Variants in EIF2D observed in about 807,000 individuals in gnomAD.
EIF2D encodes eukaryotic translation initiation factor 2D.
A neutral mutation model predicts 77.4 loss-of-function variants in EIF2D; 56 were observed. The observed-to-expected ratio is 0.72, with a 90% CI of 0.58 to 0.90. The LOEUF is 0.90. Ranked by LOEUF, EIF2D falls within the 40% of genes least tolerant of loss-of-function variation. EIF2D has a pLI of 0.00. For missense variants in EIF2D, 574 were observed against 706.5 expected, an observed-to-expected ratio of 0.81 and a Z score of 2.13; for synonymous variants, 230 against 271.0, an observed-to-expected ratio of 0.85 and a Z score of 1.49.
At chr1:206,583,096 C>CA (rs1264760795) in intron 2 of EIF2D, 1 of 559,464 alleles carries the variant, frequency 1.8e-6, no homozygotes, top group Non-Finnish European at 3.3e-6. Context: ...TAGACACTGG[C>CA]ACAGCTGCAA....
At chr1:206,572,997 A>T (rs530834716) in intron 4 of EIF2D, among the ~76,000 whole-genome samples, 1 of 152,344 alleles carries the variant, frequency 6.6e-6, no homozygotes, top group South Asian at 2.1e-4. Context: ...TGGACAAATG[A>T]CTACTGAAGA....
chr1:206,588,851 T>C (rs1424792840), downstream of EIF2D: 1 of 152,772 alleles, frequency 6.5e-6, no homozygotes, highest in Non-Finnish European at 1.5e-5. Context: ...TCGTCCTGCA[T>C]GTCTCTAACA....
chr1:206,605,395 CCCA>C lies in EIF2D; in HGVS notation c.530+2_530+4del. 1.9e-6 allele frequency: 3 copies of C among 1,611,940 alleles called. No homozygotes were observed. Among genetic ancestry groups the C allele is most frequent in the Non-Finnish European group, 2.5e-6 (3 of 1,178,204 alleles). On this transcript the variant is annotated splice_donor_variant and splice_donor_region_variant and intron_variant, in intron 5 of 14. Transcript: ENST00000271764. LOFTEE classifies it high-confidence loss of function. ...TCTGTAAAACAGAAGAAACTCTGTA[CCCA>C]CCACAAGTGGTCCTGGTAAGTGTGG...
intron 4 of EIF2D, among the ~76,000 whole-genome samples, chr1:206,573,041 T>G (rs1668504056): frequency 6.6e-6 from 1 of 152,224 alleles, no homozygotes; most frequent in Non-Finnish European, 1.5e-5. Flanking sequence ...ATGATGGTGA[T>G]GATGATAATT....
chr1:206,593,465 T>G (rs1360051616), intron 14 of EIF2D, among the ~76,000 whole-genome samples, 154 bp downstream of exon 14: 12 of 103,248 alleles, frequency 1.2e-4, no homozygotes, highest in African/African-American at 2.5e-4. Context: ...AAAAACTAAA[T>G]GGAGAGAGAG....
At chr1:206,578,501 A>G (rs1553405625) in intron 4 of EIF2D, among the ~76,000 whole-genome samples, 1 of 152,210 alleles carries the variant, frequency 6.6e-6, no homozygotes, top group Non-Finnish European at 1.5e-5. Flanking sequence ...GTGATCAGGA[A>G]GAGCTTGACA....
At chr1:206,587,464 G>A (rs1669165042), downstream of EIF2D, 1 of 202,558 alleles carries the variant, frequency 4.9e-6, no homozygotes, top group Admixed American at 5.5e-5. Context: ...TGAAAGCAGG[G>A]TAATGCTCAT....
At chr1:206,600,186 C>T in intron 8 of EIF2D, 77 bp downstream of exon 8, 1 of 1,425,294 alleles carries the variant, frequency 7.0e-7, no homozygotes. Context: ...AAGGCTTCCC[C>T]AGCATCCATC....
At chr1:206,596,348 G>C (rs74384998) in intron 12 of EIF2D, among the ~76,000 whole-genome samples, 1 of 152,222 alleles carries the variant, frequency 6.6e-6, no homozygotes, top group Non-Finnish European at 1.5e-5. Flanking sequence ...GGGCTAGACA[G>C]TAAATATTTT....
Position 206,611,220 on chromosome 1 carries a change from T to C in EIF2D, c.211A>G (p.Ile71Val), listed in dbSNP as rs781857133. The C allele has an allele frequency of 1.2e-6, 2 of 1,614,112 alleles. No homozygotes were observed. Among genetic ancestry groups the C allele is most frequent in the Non-Finnish European group, 1.7e-6 (2 of 1,179,960 alleles). ...AGATTTTTCTCCAGTTCAAAGAGGA[T>C]GGGGTTACCACCACTCACGTACACA... ...VTVYVSGGNP[I>V]LFELEKNLYP... is the part of the protein sequence containing the mutation. Residue 71 changes from isoleucine to valine, a missense_variant, in exon 2 of 15, where the codon ATC (isoleucine) becomes GTC (valine). Transcript: ENST00000271764.
rs187614966 is a variant in EIF2D at position 206,605,799 on chromosome 1, G to A, written c.423-292C>T. The stretch of plus-strand genomic sequence containing the variant: ...TTCCTGCTGTGAATTAAATCTCCAG[G>A]TGGGTCTTGGAAGGATATTTAATGT... On this transcript the variant is annotated intron_variant, in intron 4 of 14. Coordinates refer to ENST00000271764, the MANE Select transcript of EIF2D (RefSeq NM_006893.3). Among the ~76,000 whole-genome samples the A allele has an allele frequency of 3.3e-5, 5 of 152,246 alleles. No individual in the cohort carries two copies. The East Asian group carries it at 9.7e-4, about 29-fold the overall frequency.
intron 2 of EIF2D, chr1:206,586,186 A>G (rs1486653050): frequency 6.5e-6 from 1 of 152,764 alleles, no homozygotes; most frequent in African/African-American, 2.4e-5. Context: ...TTAGTACTCT[A>G]TTGTGCTCAA....
chr1:206,597,545 A>G (rs1249798909), intron 11 of EIF2D, among the ~76,000 whole-genome samples: 1 of 152,240 alleles, frequency 6.6e-6, no homozygotes, highest in Non-Finnish European at 1.5e-5. Context: ...GGCCAGGTGC[A>G]GTGGCTCACG....
chr1:206,605,550 T>C (rs1410742989), intron 4 of EIF2D, 43 bp from the exon 5 acceptor site: 6 of 1,519,970 alleles, frequency 3.9e-6, no homozygotes, highest in East Asian at 2.2e-5. Context: ...GGAAAATCTA[T>C]GGGAAGGGCA....
chr1:206,578,497 AG>A (rs1668742979), intron 4 of EIF2D, among the ~76,000 whole-genome samples: 1 of 152,212 alleles, frequency 6.6e-6, no homozygotes, highest in African/African-American at 2.4e-5. Context: ...TGGAGTGATC[AG>A]GAAGAGCTTG....
chr1:206,600,140 G>T, intron 8 of EIF2D, 123 bp downstream of exon 8: 1 of 1,015,132 alleles, frequency 9.9e-7, no homozygotes, highest in Non-Finnish European at 1.5e-6. Flanking sequence ...TATACTTGGA[G>T]TCAAAAAGCT....
At chr1:206,573,226 C>T (rs782242498) in intron 4 of EIF2D, among the ~76,000 whole-genome samples, 27 of 152,094 alleles carry the variant, frequency 1.8e-4, no homozygotes, top group Non-Finnish European at 2.8e-4. Flanking sequence ...TTTTGGAGGC[C>T]GAGGTGGGCG....
At chr1:206,595,880 GA>G in intron 12 of EIF2D, 42 bp from the exon 13 acceptor site, 1 of 1,608,082 alleles carries the variant, frequency 6.2e-7, no homozygotes, top group Non-Finnish European at 8.5e-7. Flanking sequence ...AAAGCCAACA[GA>G]AACCATTTCC....
chr1:206,599,713 G>T lies in EIF2D; in HGVS notation c.1052+20C>A. The T allele has an allele frequency of 6.2e-7, 1 of 1,613,940 alleles. No homozygotes were observed. The highest frequency in any genetic ancestry group is 8.5e-7 in the Non-Finnish European group (1 of 1,179,828). ...GCCCTGGGGCCAGCTGGGCTACAGTGACAGGCCCCCTGCACTCACCTCGGG... is the reference window on the plus strand; with the variant it reads ...GCCCTGGGGCCAGCTGGGCTACAGTTACAGGCCCCCTGCACTCACCTCGGG... On this transcript the variant is annotated intron_variant, in intron 9 of 14. Coordinates refer to ENST00000271764, the MANE Select transcript of EIF2D (RefSeq NM_006893.3). This position sits in a 1 kb window ranked among gnomAD's most constrained non-coding sequence, Gnocchi z 4.1.
Sources: allele counts gnomAD v4.1 joint callset (sites outside exome capture counted in the v4.1 genomes callset), GRCh38; gene constraint gnomAD v4.1.1; non-coding constraint Gnocchi (gnomAD v3.1); transcripts MANE v1.5; gene names NCBI Gene and HGNC (gene_info 2026-07-23, HGNC 2026-07-21).